The following KCNN3 variants were observed in gnomAD, a reference collection of about 807,000 sequenced individuals.
The protein encoded by KCNN3 is small conductance calcium-activated potassium channel protein 3.
A neutral mutation model predicts 62.9 loss-of-function variants in KCNN3; 16 were observed. The observed-to-expected ratio is 0.25, with a 90% confidence interval of 0.17 to 0.39. KCNN3 has a LOEUF of 0.39. Ranked by LOEUF, KCNN3 falls within the 10% of genes least tolerant of loss-of-function variation. KCNN3 has a pLI of 1.00. For missense variants in KCNN3, 599 were observed against 949.4 expected (o/e 0.63, Z 4.85); for synonymous variants, 370 against 389.2 (o/e 0.95, Z 0.58).
chr1:154,754,389 GA>G (rs1203834905), intron 3 of KCNN3, among the ~76,000 whole-genome samples: 3 of 152,036 alleles, frequency 2.0e-5, no homozygotes, highest in Non-Finnish European at 4.4e-5. Flanking sequence ...GATGGGGAAC[GA>G]TTTGAGCCTG....
intron 1 of KCNN3, among the ~76,000 whole-genome samples, chr1:154,828,877 G>A (rs1342868091): frequency 6.6e-6 from 1 of 152,210 alleles, no homozygotes; most frequent in Non-Finnish European, 1.5e-5. Flanking sequence ...AGATATCCCT[G>A]AGGCATTTCA....
At chr1:154,741,710 T>TA (rs5777929) in intron 3 of KCNN3, among the ~76,000 whole-genome samples, 110,743 of 145,602 alleles carry the variant, frequency 0.76, 41,957 homozygotes, top group East Asian at 0.98. Context: ...ACTAGTTTTG[T>TA]AAAAAAAAAA....
chr1:154,842,087 TTGGGGGATTGACCCA>T (rs1176761802), intron 1 of KCNN3, among the ~76,000 whole-genome samples: 1 of 152,164 alleles, frequency 6.6e-6, no homozygotes, highest in Non-Finnish European at 1.5e-5. Flanking sequence ...AACCAGAACC[TTGGGGGATTGACCCA>T]CTTCTTGCTG....
chr1:154,869,852 T>G lies in KCNN3; in HGVS notation c.113A>C (p.Gln38Pro). The G allele has an allele frequency of 6.3e-7, 1 of 1,583,698 alleles. No individual in the cohort carries two copies. The highest frequency in any genetic ancestry group is 8.6e-7 in the Non-Finnish European group (1 of 1,164,022). Reference protein sequence around the residue: ...DEQQQQQQQQQQQQPPPPAPP... With the variant: ...DEQQQQQQQQPQQQPPPPAPP... ...CGCTGGCGGTGGTGGCTGCTGCTGCTGTTGCTGCTGCTGCTGCTGCTGCTG... is the reference window on the plus strand; with the variant it reads ...CGCTGGCGGTGGTGGCTGCTGCTGCGGTTGCTGCTGCTGCTGCTGCTGCTG... The change falls in exon 1 of 8, where the codon CAG (glutamine) becomes CCG (proline). Residue 38 changes from glutamine (Q) to proline (P), a missense_variant. Physicochemically the swap from Gln to Pro is moderately conservative, Grantham distance 76. This residue lies in a region of KCNN3 where 59 missense variants were observed against 62.4 expected (regional missense o/e 0.95). Coordinates refer to ENST00000271915, the MANE Select transcript of KCNN3 (RefSeq NM_002249.6). The surrounding 1 kb of genome is among the most constrained non-coding windows in gnomAD (Gnocchi z 6.1).
intron 5 of KCNN3, among the ~76,000 whole-genome samples, chr1:154,718,340 G>T (rs113319011): frequency 7.9e-5 from 12 of 152,342 alleles, no homozygotes; most frequent in African/African-American, 2.6e-4. Flanking sequence ...TTTAGGAAAG[G>T]CTCTAAGATT....
At chr1:154,846,230 C>A (rs2101917468) in intron 1 of KCNN3, among the ~76,000 whole-genome samples, 1 of 152,370 alleles carries the variant, frequency 6.6e-6, no homozygotes, top group South Asian at 2.1e-4. Flanking sequence ...GTTACCTCCA[C>A]TCTCTTGCCT....
chr1:154,826,758 C>T (rs1202273935), intron 1 of KCNN3, among the ~76,000 whole-genome samples: 2 of 152,212 alleles, frequency 1.3e-5, no homozygotes, highest in Non-Finnish European at 2.9e-5. Context: ...CAGGCCAGAA[C>T]TGTAATGATT....
intron 4 of KCNN3, among the ~76,000 whole-genome samples, chr1:154,731,378 G>A (rs534736158): frequency 6.6e-6 from 1 of 152,220 alleles, no homozygotes; most frequent in Non-Finnish European, 1.5e-5. Flanking sequence ...TGCTGTCGTA[G>A]GACCTGCCTG....
chr1:154,844,341 T>G (rs1218570), intron 1 of KCNN3, among the ~76,000 whole-genome samples: 11 of 152,246 alleles, frequency 7.2e-5, no homozygotes, highest in African/African-American at 2.7e-4. Context: ...TCATTAGACA[T>G]GAAAACAGTC....
At chr1:154,767,394 GA>G (rs945329150) in intron 3 of KCNN3, among the ~76,000 whole-genome samples, 11 of 152,172 alleles carry the variant, frequency 7.2e-5, no homozygotes, top group African/African-American at 2.7e-4. Context: ...CAAAGGGTCC[GA>G]AGGGAATCCA....
chr1:154,751,156 A>G lies in KCNN3; in HGVS notation c.1449-18012T>C, dbSNP rs570174751. Among the ~76,000 whole-genome samples, 11 of 152,338 alleles carry G rather than the reference A, an allele frequency of 7.2e-5. 1 individual carries two copies. In the South Asian group the frequency reaches 2.3e-3, roughly 32 times the overall value. On this transcript the variant is annotated intron_variant, in intron 3 of 7. Coordinates refer to ENST00000271915, the MANE Select transcript of KCNN3 (RefSeq NM_002249.6). ...GAGAGAGACCCTTGGCTGGGAGCTCAGACCCGCCCAACTCGCGGTGTGAGT... is the reference window on the plus strand; with the variant it reads ...GAGAGAGACCCTTGGCTGGGAGCTCGGACCCGCCCAACTCGCGGTGTGAGT...
At chr1:154,743,376 G>T (rs1033490090) in intron 3 of KCNN3, among the ~76,000 whole-genome samples, 7 of 152,150 alleles carry the variant, frequency 4.6e-5, no homozygotes, top group Non-Finnish European at 8.8e-5. Flanking sequence ...TAAGACAAAA[G>T]TTCCTGTATC....
chr1:154,750,238 GTGCACCCCAAGCTC>G (rs1647305240), intron 3 of KCNN3, among the ~76,000 whole-genome samples: 1 of 152,216 alleles, frequency 6.6e-6, no homozygotes, highest in Non-Finnish European at 1.5e-5. Flanking sequence ...CTCGAAGCTG[GTGCACCCCAAGCTC>G]TGGAGAGCAG....
chr1:154,820,405 T>A (rs948559765), intron 2 of KCNN3, among the ~76,000 whole-genome samples: 20 of 152,222 alleles, frequency 1.3e-4, no homozygotes, highest in African/African-American at 4.6e-4. Context: ...CAAGCCTGGG[T>A]CATAACTGAG....
In KCNN3 at chr1:154,791,962, C is replaced by T. The variant is rs1241825661; in HGVS notation, c.1030-19569G>A. Among the ~76,000 whole-genome samples the T allele has an allele frequency of 2.0e-5, 3 of 152,192 alleles. No individual in the cohort carries two copies. The East Asian group carries it at 5.8e-4, about 29-fold the overall frequency. On this transcript the variant is annotated intron_variant, in intron 2 of 7. Transcript: ENST00000271915. ...GTCTGTAAAAGCATCCTTCTGCTTC[C>T]ACTGGCCAGGAAGATCGCAAAGGAA... is the stretch of plus-strand genomic sequence containing the variant.
intron 1 of KCNN3, among the ~76,000 whole-genome samples, chr1:154,834,818 C>T (rs1651521043): frequency 6.6e-6 from 1 of 152,186 alleles, no homozygotes; most frequent in Non-Finnish European, 1.5e-5. Context: ...ACTTGAAACA[C>T]ACAGCTTCTG....
chr1:154,780,729 C>A (rs2101850203), intron 2 of KCNN3, among the ~76,000 whole-genome samples: 2 of 151,992 alleles, frequency 1.3e-5, no homozygotes, highest in Non-Finnish European at 2.9e-5. Context: ...TCCCTGAGGA[C>A]AGGAGCTGAT....
At chr1:154,720,558 G>C (rs1051887650) in intron 5 of KCNN3, among the ~76,000 whole-genome samples, 2 of 147,802 alleles carry the variant, frequency 1.4e-5, no homozygotes, top group African/African-American at 5.0e-5. Flanking sequence ...AGTAATCTTT[G>C]AATTAGCCTG....
intron 3 of KCNN3, among the ~76,000 whole-genome samples, chr1:154,753,680 C>T (rs1258777260): frequency 2.6e-5 from 4 of 152,210 alleles, no homozygotes; most frequent in South Asian, 4.1e-4. Context: ...ACCGTGGGTT[C>T]CCCGTCCTGC....
Sources: gnomAD v4.1 joint callset for allele counts (sites outside exome capture counted in the v4.1 genomes callset) on GRCh38, gnomAD v4.1.1 for gene constraint, gnomAD v4.1.1 regional missense constraint, Gnocchi (gnomAD v3.1) non-coding constraint, MANE v1.5 for transcripts, NCBI Gene and HGNC (gene_info 2026-07-23, HGNC 2026-07-21) for gene names.